ABL2: variants seen among roughly 807,000 people sequenced by gnomAD.
The protein encoded by ABL2 is tyrosine-protein kinase ABL2.
Under a neutral mutation model 107.7 loss-of-function variants are expected in ABL2, and 49 were observed. The ratio of observed to expected loss-of-function variants is 0.45; its 90% confidence interval spans 0.36 to 0.58. ABL2 has a LOEUF of 0.58. Ranked by LOEUF, ABL2 falls within the 20% of genes least tolerant of loss-of-function variation. ABL2 has a pLI of 0.00. For missense variants in ABL2, 1,245 were observed against 1,457.0 expected (o/e 0.85, Z 2.37); for synonymous variants, 549 against 548.6 (o/e 1.00, Z -0.01).
rs748818665 is a variant in ABL2 at position 179,133,274 on chromosome 1, G to T, written c.220+38C>A. The T allele has an allele frequency of 1.1e-5, 18 of 1,613,324 alleles. No homozygotes were observed. In the East Asian group the frequency reaches 3.8e-4, roughly 34 times the overall value. On this transcript the variant is annotated intron_variant, in intron 2 of 11. Transcript: ENST00000502732. Reference sequence around the variant, plus strand: ...CCTGTTCTCCATCTCTACTGCCAATGCCTTAGTTCAAATCTGCAACATCTC... The same window carrying T: ...CCTGTTCTCCATCTCTACTGCCAATTCCTTAGTTCAAATCTGCAACATCTC...
intron 1 of ABL2, among the ~76,000 whole-genome samples, chr1:179,181,163 T>G (rs1388300657): frequency 6.6e-6 from 1 of 152,194 alleles, no homozygotes; most frequent in Non-Finnish European, 1.5e-5. Context: ...GAAACGGAGT[T>G]TAAACAAAAC....
At chr1:179,110,895 A>G in intron 10 of ABL2, 1 of 1,611,796 alleles carries the variant, frequency 6.2e-7, no homozygotes, top group Non-Finnish European at 8.5e-7. Flanking sequence ...GGCCCTGCCA[A>G]CCTGTCCCCA....
chr1:179,152,316 T>C (rs1262791535), intron 1 of ABL2, among the ~76,000 whole-genome samples: 1 of 152,186 alleles, frequency 6.6e-6, no homozygotes, highest in Non-Finnish European at 1.5e-5. Context: ...GCATGTCCTT[T>C]GGTGGTCTCA....
Position 179,118,604 on chromosome 1 carries a change from C to T in ABL2, c.1206G>A (p.Lys402=), listed in dbSNP as rs1301692836. The change falls in exon 7 of 12, where the codon AAG becomes AAA. Residue 402 remains lysine, a synonymous_variant. Coordinates refer to ENST00000502732, the MANE Select transcript of ABL2 (RefSeq NM_007314.4). ...QISSAMEYLE[K]KNFIHRDLAA... is the part of the protein sequence containing the mutation. ...TTACACACCTATGGATGAAATTCTT[C>T]TTCTCTAAGTACTCCATTGCAGAAG... 6.2e-7 allele frequency: 1 copy of T among 1,613,148 alleles called. No individual in the cohort carries two copies. Among genetic ancestry groups the T allele is most frequent in the Admixed American group, 1.7e-5 (1 of 59,874 alleles).
At position 179,159,058 on chromosome 1, in the gene ABL2, T is replaced by C. The variant is rs184823401; in HGVS notation, c.158-25684A>G. Among the ~76,000 whole-genome samples, 3 of 152,320 alleles carry C rather than the reference T, an allele frequency of 2.0e-5. No homozygotes were observed. In the East Asian group the frequency reaches 5.8e-4, roughly 29 times the overall value. ...AGAGCATGGTGGTCAAGAGCATAGA[T>C]GCCAGAGCCAGATTCCCTGGGTCTG... On this transcript the variant is annotated intron_variant, in intron 1 of 11. Coordinates refer to ENST00000502732, the MANE Select transcript of ABL2 (RefSeq NM_007314.4).
intron 1 of ABL2, among the ~76,000 whole-genome samples, chr1:179,182,486 G>A (rs1198312239): frequency 6.6e-6 from 1 of 152,100 alleles, no homozygotes; most frequent in Admixed American, 6.5e-5. Flanking sequence ...ACCTGGCTTA[G>A]AAAATTAAAG....
intron 2 of ABL2, among the ~76,000 whole-genome samples, chr1:179,132,074 T>C (rs1293800193): frequency 6.6e-6 from 1 of 152,158 alleles, no homozygotes; most frequent in Non-Finnish European, 1.5e-5. Context: ...TTGGCCAACA[T>C]GGCAAAAAAT....
chr1:179,220,653 C>T (rs763197376), intron 1 of ABL2, among the ~76,000 whole-genome samples: 1 of 152,340 alleles, frequency 6.6e-6, no homozygotes, highest in Middle Eastern at 3.4e-3. Flanking sequence ...TGCTGAAATT[C>T]TACAGGTATG....
At chr1:179,168,163 C>T (rs1388543051) in intron 1 of ABL2, among the ~76,000 whole-genome samples, 1 of 152,104 alleles carries the variant, frequency 6.6e-6, no homozygotes, top group Admixed American at 6.6e-5. Flanking sequence ...AATGCTGATG[C>T]AGTTCCATTT....
At chr1:179,161,905 G>C (rs919900132) in intron 1 of ABL2, among the ~76,000 whole-genome samples, 3 of 152,070 alleles carry the variant, frequency 2.0e-5, no homozygotes, top group Admixed American at 6.6e-5. Context: ...ATATAAAATA[G>C]CTTGAGGCTG....
intron 1 of ABL2, among the ~76,000 whole-genome samples, chr1:179,176,699 A>ATTTTTTTTTT (rs1553229037): frequency 1.2e-4 from 3 of 25,258 alleles, no homozygotes; most frequent in Non-Finnish European, 2.6e-4. Flanking sequence ...GTTGTTACAT[A>ATTTTTTTTTT]TTCTTTTTTT....
intron 6 of ABL2, among the ~76,000 whole-genome samples, chr1:179,119,794 C>T (rs932921657): frequency 2.0e-5 from 3 of 152,128 alleles, no homozygotes; most frequent in African/African-American, 7.2e-5. Flanking sequence ...CCATTTTGAA[C>T]ACTTCTGAAC....
In ABL2 at chr1:179,099,855, G is replaced by T. The variant is rs1047731828; in HGVS notation, c.*7863C>A. 2.6e-5 allele frequency: 6 copies of T among 232,430 alleles called. No homozygotes were observed. Among genetic ancestry groups the T allele is most frequent in the Non-Finnish European group, 5.1e-5 (6 of 117,606 alleles). 14.4% of individuals were successfully genotyped at this position (232,430 alleles called of 1,614,324 possible). On this transcript the variant is annotated 3_prime_UTR_variant, in exon 12 of 12. Coordinates refer to ENST00000502732, the MANE Select transcript of ABL2 (RefSeq NM_007314.4). ...AATCAGACTGCAGAGAAGGAAAAGTGCAGGGTCTGGGAGGAGATGGAGGTT... is the reference window on the plus strand; with the variant it reads ...AATCAGACTGCAGAGAAGGAAAAGTTCAGGGTCTGGGAGGAGATGGAGGTT...
chr1:179,110,221 C>T (rs562940909), intron 11 of ABL2, 61 bp downstream of exon 11: 8 of 1,590,494 alleles, frequency 5.0e-6, no homozygotes, highest in Admixed American at 1.7e-5. Flanking sequence ...AAGCCTCACA[C>T]CCCATGCTTC....
intron 2 of ABL2, 64 bp downstream of exon 2, chr1:179,133,248 C>A: frequency 6.2e-7 from 1 of 1,604,086 alleles, no homozygotes; most frequent in Non-Finnish European, 8.5e-7. Context: ...CAAATCCATT[C>A]CCTGTTCTCC....
rs1374552047 is a variant in ABL2 at position 179,109,374 on chromosome 1, T to C, written c.1893A>G (p.Ser631=). ...PALPRKQRDK[S]PSSLLEDAKE... is the part of the protein sequence containing the mutation. The stretch of plus-strand genomic sequence containing the variant: ...TGGCATCTTCCAAGAGGCTGCTGGG[T>C]GACTTGTCTCTTTGCTTTCGAGGCA... Residue 631 remains serine, a synonymous_variant, in exon 12 of 12, where the codon TCA becomes TCG. Coordinates refer to ENST00000502732, the MANE Select transcript of ABL2 (RefSeq NM_007314.4). 1.9e-6 allele frequency: 3 copies of C among 1,614,058 alleles called. No individual in the cohort carries two copies. Among genetic ancestry groups the C allele is most frequent in the Admixed American group, 1.7e-5 (1 of 60,002 alleles).
chr1:179,206,959 AAG>A (rs985204815), intron 1 of ABL2, among the ~76,000 whole-genome samples: 6 of 152,168 alleles, frequency 3.9e-5, no homozygotes, highest in Non-Finnish European at 5.9e-5. Context: ...CAGAGCGAAA[AAG>A]AGATGCCAAA....
At chr1:179,224,672 A>G (rs1373086706) in intron 1 of ABL2, among the ~76,000 whole-genome samples, 2 of 152,138 alleles carry the variant, frequency 1.3e-5, no homozygotes, top group Non-Finnish European at 2.9e-5. Context: ...GCAAGTAAGT[A>G]TTCAACCCTA....
In ABL2 at chr1:179,213,534, C is replaced by T. The variant is rs944140052; in HGVS notation, c.157+15707G>A. On this transcript the variant is annotated intron_variant, in intron 1 of 11. Coordinates refer to ENST00000502732, the MANE Select transcript of ABL2 (RefSeq NM_007314.4). The stretch of plus-strand genomic sequence containing the variant: ...CAGGCTGGTCTCAAACTCCTGGGCT[C>T]AGGTGATCCTCCCACCTCAGCCTTC... Among the ~76,000 whole-genome samples the T allele has an allele frequency of 3.9e-4, 60 of 152,050 alleles. 3 individuals are homozygous for T. Among genetic ancestry groups the T allele is most frequent in the Non-Finnish European group, 4.4e-5 (3 of 68,020 alleles).
Sources: gnomAD v4.1 joint callset for allele counts (sites outside exome capture counted in the v4.1 genomes callset) on GRCh38, gnomAD v4.1.1 for gene constraint, MANE v1.5 for transcripts, NCBI Gene and HGNC (gene_info 2026-07-23, HGNC 2026-07-21) for gene names.